The following CNTNAP2 variants were observed in gnomAD, a reference collection of about 807,000 sequenced individuals.
CNTNAP2 encodes the protein contactin-associated protein-like 2.
In CNTNAP2, 98 loss-of-function variants were observed where a neutral mutation model predicts 155.2. The ratio of observed to expected loss-of-function variants is 0.63; its 90% CI spans 0.54 to 0.75. The LOEUF (loss-of-function observed/expected upper bound fraction) is 0.75, where lower values mean the gene tolerates loss of function less well. Among genes scored for constraint, CNTNAP2 ranks in the 30% least tolerant of loss-of-function variants. The pLI is 0.00. For missense variants in CNTNAP2, 1,727 were observed against 1,688.1 expected (o/e 1.02, Z -0.40); for synonymous variants, 651 against 631.2 (o/e 1.03, Z -0.47).
intron 1 of CNTNAP2, among the ~76,000 whole-genome samples, chr7:146,133,392 T>C (rs542055819): frequency 6.6e-6 from 1 of 152,300 alleles, no homozygotes; most frequent in African/African-American, 2.4e-5. Context: ...TTGTTTCTTT[T>C]GCTGTGCAGA....
At chr7:148,290,470 A>C (rs1585246305) in intron 21 of CNTNAP2, among the ~76,000 whole-genome samples, 1 of 152,340 alleles carries the variant, frequency 6.6e-6, no homozygotes, top group South Asian at 2.1e-4. Context: ...TCATTTTGAA[A>C]GCTGCCTTTG....
chr7:146,478,103 CAG>C (rs1796905983), intron 1 of CNTNAP2, among the ~76,000 whole-genome samples: 1 of 152,162 alleles, frequency 6.6e-6, no homozygotes, highest in East Asian at 1.9e-4. Context: ...AGTTTTATGG[CAG>C]AGTGTGGAGG....
At chr7:146,364,736 A>C (rs1795131465) in intron 1 of CNTNAP2, among the ~76,000 whole-genome samples, 1 of 152,244 alleles carries the variant, frequency 6.6e-6, no homozygotes, top group African/African-American at 2.4e-5. Context: ...AAAGATAATT[A>C]GACACAGCCT....
At chr7:146,734,834 A>C (rs1801584316) in intron 1 of CNTNAP2, among the ~76,000 whole-genome samples, 1 of 152,228 alleles carries the variant, frequency 6.6e-6, no homozygotes. Flanking sequence ...GTGTTTTCCA[A>C]AATTAAAACT....
Position 146,277,998 on chromosome 7 carries a change from C to T in CNTNAP2, c.97+161025C>T, listed in dbSNP as rs564279919. On this transcript the variant is annotated intron_variant, in intron 1 of 23. Coordinates refer to ENST00000361727, the MANE Select transcript of CNTNAP2 (RefSeq NM_014141.6). ...TTTGGGTTATCATCTTACTATGTAA[C>T]GGGATCGAGCTATGGGCACGTGAGG... 2.0e-3 allele frequency among the ~76,000 whole-genome samples: 307 copies of T among 152,216 alleles called. 3 individuals are homozygous for T. The highest frequency in any genetic ancestry group is 6.9e-3 in the African/African-American group (288 of 41,538).
At chr7:148,248,327 T>C (rs1215983076) in intron 20 of CNTNAP2, among the ~76,000 whole-genome samples, 2 of 152,108 alleles carry the variant, frequency 1.3e-5, no homozygotes, top group Admixed American at 6.5e-5. Context: ...GCCTCCCAAG[T>C]AGCTGGGACT....
intron 1 of CNTNAP2, among the ~76,000 whole-genome samples, chr7:146,573,392 C>T (rs937905898): frequency 6.6e-6 from 1 of 152,134 alleles, no homozygotes; most frequent in Non-Finnish European, 1.5e-5. Context: ...CTGCCTGCCT[C>T]GACCTTCCAA....
intron 10 of CNTNAP2, among the ~76,000 whole-genome samples, chr7:147,431,973 G>A (rs1208538110): frequency 1.3e-5 from 2 of 152,136 alleles, no homozygotes; most frequent in African/African-American, 2.4e-5. Flanking sequence ...TTGCCTTTCA[G>A]TATATCTGGG....
At chr7:148,147,108 G>T (rs1190866716) in intron 16 of CNTNAP2, among the ~76,000 whole-genome samples, 1 of 152,090 alleles carries the variant, frequency 6.6e-6, no homozygotes, top group Non-Finnish European at 1.5e-5. Flanking sequence ...AAGATATCAG[G>T]CTCTGAAATC....
chr7:147,222,879 GTTA>G (rs1803438037), intron 8 of CNTNAP2, among the ~76,000 whole-genome samples: 1 of 141,620 alleles, frequency 7.1e-6, no homozygotes, highest in Non-Finnish European at 1.5e-5. Flanking sequence ...GCTGGAGTTG[GTTA>G]TTTCCTTTCT....
Position 147,922,229 on chromosome 7 carries a change from A to G in CNTNAP2, c.2255+18508A>G, listed in dbSNP as rs544021380. On this transcript the variant is annotated intron_variant, in intron 14 of 23. Coordinates refer to ENST00000361727, the MANE Select transcript of CNTNAP2 (RefSeq NM_014141.6). ...CATTTAGAGAAAGAAAAATCACAATATAAAACAGCCAATCTTTCTTGTTAA... is the reference window on the plus strand; with the variant it reads ...CATTTAGAGAAAGAAAAATCACAATGTAAAACAGCCAATCTTTCTTGTTAA... 3.9e-5 allele frequency among the ~76,000 whole-genome samples: 6 copies of G among 152,378 alleles called. No homozygotes were observed. The South Asian group carries it at 1.2e-3, about 32-fold the overall frequency.
chr7:147,553,951 ACT>A lies in CNTNAP2; in HGVS notation c.1778-8184_1778-8183del, dbSNP rs769775526. Among the ~76,000 whole-genome samples, 1,510 of 152,238 alleles carry A rather than the reference ACT, an allele frequency of 9.9e-3. 27 individuals are homozygous for A. The highest frequency in any genetic ancestry group is 0.035 in the African/African-American group (1,452 of 41,526). Reference sequence around the variant, plus strand: ...CACTCCAGCCTAGGCGACGAGCAAAACTCTATCTCAAAAGAAAAGAAAAAAAA... The same window carrying A: ...CACTCCAGCCTAGGCGACGAGCAAAACTATCTCAAAAGAAAAGAAAAAAAA... On this transcript the variant is annotated intron_variant, in intron 11 of 23. Coordinates refer to ENST00000361727, the MANE Select transcript of CNTNAP2 (RefSeq NM_014141.6).
At chr7:147,304,907 G>A (rs575801677) in intron 9 of CNTNAP2, among the ~76,000 whole-genome samples, 2 of 152,270 alleles carry the variant, frequency 1.3e-5, no homozygotes, top group East Asian at 3.9e-4. Context: ...TCTGCTGAGG[G>A]CACATAATGA....
At chr7:146,983,957 C>T (rs1161048527) in intron 3 of CNTNAP2, among the ~76,000 whole-genome samples, 2 of 152,078 alleles carry the variant, frequency 1.3e-5, no homozygotes, top group Non-Finnish European at 2.9e-5. Flanking sequence ...TGTGTTTTAC[C>T]AAATACAGTG....
At chr7:147,513,631 G>T (rs1328475272) in intron 11 of CNTNAP2, among the ~76,000 whole-genome samples, 1 of 152,190 alleles carries the variant, frequency 6.6e-6, no homozygotes, top group African/African-American at 2.4e-5. Flanking sequence ...CCATCCCCAG[G>T]CTTGGCTCAA....
intron 1 of CNTNAP2, among the ~76,000 whole-genome samples, chr7:146,664,363 G>A (rs1448359734): frequency 6.6e-6 from 1 of 151,718 alleles, no homozygotes; most frequent in Non-Finnish European, 1.5e-5. Flanking sequence ...TTTTTGCCAT[G>A]TTGGCCAGAC....
chr7:148,062,090 G>A (rs1042054037), intron 15 of CNTNAP2, among the ~76,000 whole-genome samples: 4 of 149,360 alleles, frequency 2.7e-5, no homozygotes, highest in African/African-American at 7.4e-5. Context: ...GTCCATGGCA[G>A]TGGACTAAAT....
At chr7:146,619,555 C>A (rs577925399) in intron 1 of CNTNAP2, among the ~76,000 whole-genome samples, 20 of 152,212 alleles carry the variant, frequency 1.3e-4, no homozygotes, top group African/African-American at 4.1e-4. Flanking sequence ...ATTCCTAATT[C>A]TTCCCTCTGA....
intron 1 of CNTNAP2, among the ~76,000 whole-genome samples, chr7:146,642,905 G>T (rs11983239): frequency 6.6e-6 from 1 of 151,600 alleles, no homozygotes; most frequent in Non-Finnish European, 1.5e-5. Flanking sequence ...TTCTCTGATG[G>T]CCAGTGATGA....
Sources: gnomAD v4.1 joint callset for allele counts (sites outside exome capture counted in the v4.1 genomes callset) on GRCh38, gnomAD v4.1.1 for gene constraint, MANE v1.5 for transcripts, NCBI Gene and HGNC (gene_info 2026-07-23, HGNC 2026-07-21) for gene names.